The following RALB variants were observed in gnomAD, a reference collection of about 807,000 sequenced individuals.
RALB encodes the protein ras-related protein Ral-B.
In RALB, 16 loss-of-function variants were observed where a neutral mutation model predicts 21.3. That is an observed-to-expected ratio of 0.75 (90% CI 0.51 to 1.14). The LOEUF is 1.14. Ranked by LOEUF, RALB falls within the 50% of genes most tolerant of loss-of-function variation. The pLI is 0.00. For missense variants in RALB, 161 were observed against 256.2 expected, an observed-to-expected ratio of 0.63 and a Z score of 2.54; for synonymous variants, 93 against 96.1, an observed-to-expected ratio of 0.97 and a Z score of 0.19.
At chr2:120,279,703 C>T in intron 2 of RALB, among the ~76,000 whole-genome samples, 1 of 152,072 alleles carries the variant, frequency 6.6e-6, no homozygotes, top group South Asian at 2.1e-4. Flanking sequence ...GTAGTACAGG[C>T]AGGGAGAGTG....
At chr2:120,286,136 A>C in intron 3 of RALB, 54 bp downstream of exon 3, 135 of 1,503,132 alleles carry the variant, frequency 9.0e-5, no homozygotes, top group Non-Finnish European at 1.2e-4. Flanking sequence ...GCCTTTTCTC[A>C]TATGTCTTAG....
At chr2:120,259,198 G>A (rs6735866) in intron 1 of RALB, among the ~76,000 whole-genome samples, 6,852 of 152,140 alleles carry the variant, frequency 0.045, 545 homozygotes, top group African/African-American at 0.16. Context: ...CTTCCACAGC[G>A]TAGAAAGGGA....
chr2:120,250,174 T>C (rs577633915), upstream of RALB, among the ~76,000 whole-genome samples: 3 of 152,360 alleles, frequency 2.0e-5, no homozygotes, highest in African/African-American at 7.2e-5. Context: ...TTGTTCACCT[T>C]GCATCCGTCA....
chr2:120,260,693 C>A (rs1406767100), intron 1 of RALB, among the ~76,000 whole-genome samples: 1 of 152,222 alleles, frequency 6.6e-6, no homozygotes, highest in Non-Finnish European at 1.5e-5. Flanking sequence ...GGAGGGATGG[C>A]CTCAGGAGGG....
At chr2:120,275,448 C>T (rs566157390) in intron 1 of RALB, among the ~76,000 whole-genome samples, 4 of 152,328 alleles carry the variant, frequency 2.6e-5, no homozygotes, top group Non-Finnish European at 5.9e-5. Flanking sequence ...CTTGGCTGCT[C>T]ATGAGGATCA....
At chr2:120,282,061 C>A (rs1457677264) in intron 2 of RALB, among the ~76,000 whole-genome samples, 1 of 152,152 alleles carries the variant, frequency 6.6e-6, no homozygotes, top group Non-Finnish European at 1.5e-5. Context: ...ACAAAATATC[C>A]ACAATGCCAC....
chr2:120,242,866 A>T (rs1460808296), intron 1 of RALB, among the ~76,000 whole-genome samples: 1 of 152,222 alleles, frequency 6.6e-6, no homozygotes, highest in Non-Finnish European at 1.5e-5. Flanking sequence ...ACTTGAGGCC[A>T]TGAGTTCGAG....
At chr2:120,273,520 C>T (rs969875422) in intron 1 of RALB, among the ~76,000 whole-genome samples, 4 of 152,160 alleles carry the variant, frequency 2.6e-5, no homozygotes, top group Non-Finnish European at 1.5e-5. Context: ...AACTCAGGCC[C>T]CTCCCATAAT....
At chr2:120,246,505 C>G (rs375225984) in intron 1 of RALB, among the ~76,000 whole-genome samples, 1 of 152,240 alleles carries the variant, frequency 6.6e-6, no homozygotes, top group Admixed American at 6.5e-5. Context: ...CTAACAGTGC[C>G]AAGCCCACCA....
intron 1 of RALB, among the ~76,000 whole-genome samples, chr2:120,255,766 T>C (rs1474380273): frequency 6.6e-6 from 1 of 152,250 alleles, no homozygotes; most frequent in Non-Finnish European, 1.5e-5. Context: ...CTTAGTGTTC[T>C]CCTGGCTGTT....
intron 2 of RALB, among the ~76,000 whole-genome samples, chr2:120,284,491 C>T (rs1184861333): frequency 6.6e-6 from 1 of 152,062 alleles, no homozygotes; most frequent in Non-Finnish European, 1.5e-5. Context: ...CGCCACTTCC[C>T]AGGTTCAAGT....
At chr2:120,279,896 C>T (rs761269471) in intron 2 of RALB, among the ~76,000 whole-genome samples, 18 of 152,158 alleles carry the variant, frequency 1.2e-4, no homozygotes, top group Non-Finnish European at 2.5e-4. Flanking sequence ...TGGGCATTTT[C>T]GGCCTCTAGC....
intron 1 of RALB, among the ~76,000 whole-genome samples, chr2:120,247,073 G>C (rs1451695908): frequency 2.0e-5 from 3 of 152,190 alleles, no homozygotes; most frequent in Non-Finnish European, 4.4e-5. Flanking sequence ...GCTTTTATCT[G>C]GTTACCTGGA....
chr2:120,286,009 C>T lies in RALB; in HGVS notation c.250C>T (p.Arg84Trp). The stretch of plus-strand genomic sequence containing the variant: ...CGCAGCCATTCGAGATAACTACTTT[C>T]GGAGTGGGGAAGGGTTTCTTCTTGT... ...DYAAIRDNYF[R>W]SGEGFLLVFS... is the part of the protein sequence containing the mutation. Residue 84 changes from arginine (R) to tryptophan (W), a missense_variant, in exon 3 of 5, where the codon CGG (arginine) becomes TGG (tryptophan). Coordinates refer to ENST00000272519, the MANE Select transcript of RALB (RefSeq NM_002881.3). The T allele has an allele frequency of 5.0e-6, 8 of 1,614,070 alleles. No individual in the cohort carries two copies. The highest frequency in any genetic ancestry group is 1.1e-5 in the South Asian group (1 of 91,082).
At position 120,260,092 on chromosome 2, in the gene RALB, G is replaced by A. The variant is rs1043079954; in HGVS notation, c.-48+7112G>A. 6.6e-5 allele frequency among the ~76,000 whole-genome samples: 10 copies of A among 152,348 alleles called. No individual in the cohort carries two copies. The South Asian group carries it at 1.2e-3, about 19-fold the overall frequency. ...GCCCACCCGGAACTCCAGCTGGCCC[G>A]CAAGTGCCGCACACAGCCCCGGTTC... On this transcript the variant is annotated intron_variant, in intron 1 of 4. Coordinates refer to ENST00000272519, the MANE Select transcript of RALB (RefSeq NM_002881.3).
rs1288092342 is a variant in RALB at position 120,278,647 on chromosome 2, C to A, written c.-18C>A. The A allele has an allele frequency of 1.9e-6, 3 of 1,582,216 alleles. No individual in the cohort carries two copies. The highest frequency in any genetic ancestry group is 1.7e-6 in the Non-Finnish European group (2 of 1,163,874). ...TCAGTGGGTCATCTGTGTGTCACAG[C>A]CTCAGAAGACCAGCGAGATGGCTGC... On this transcript the variant is annotated 5_prime_UTR_variant, in exon 2 of 5. Coordinates refer to ENST00000272519, the MANE Select transcript of RALB (RefSeq NM_002881.3).
intron 1 of RALB, among the ~76,000 whole-genome samples, chr2:120,255,364 A>G (rs1187017389): frequency 6.6e-6 from 1 of 152,078 alleles, no homozygotes. Context: ...CACATGGCGG[A>G]GTAGTTAAGG....
Position 120,293,507 on chromosome 2 carries a change from A to C in RALB, c.*247A>C. ...TTCTTCTCCCCTTCTTCCCTCCCAA[A>C]AGCTTAGCTATGTATAAAGTGCCAC... On this transcript the variant is annotated 3_prime_UTR_variant, in exon 5 of 5. Coordinates refer to ENST00000272519, the MANE Select transcript of RALB (RefSeq NM_002881.3). 1 of 270,758 alleles carries C rather than the reference A, an allele frequency of 3.7e-6. No individual in the cohort carries two copies. The highest frequency in any genetic ancestry group is 6.9e-6 in the Non-Finnish European group (1 of 145,048). 16.8% of individuals were successfully genotyped at this position (270,758 alleles called of 1,614,324 possible). A position where few individuals can be genotyped will look rare whatever the true frequency, so the allele number is the denominator to read the frequency against.
Position 120,252,854 on chromosome 2 carries a change from A to G in RALB, c.-174A>G, listed in dbSNP as rs1689087007. The G allele has an allele frequency of 1.0e-6, 1 of 985,460 alleles. No individual in the cohort carries two copies. The highest frequency in any genetic ancestry group is 1.2e-6 in the Non-Finnish European group (1 of 830,090). The allele number at this position is 985,460 out of a possible 1,614,324, so 61.0% of individuals were successfully genotyped here. On this transcript the variant is annotated 5_prime_UTR_variant, in exon 1 of 5. Coordinates refer to ENST00000272519, the MANE Select transcript of RALB (RefSeq NM_002881.3). ...CCGGAGGCGCGCTCGGGGGGTGGGA[A>G]AGCGAGCCCGGCAGCTCAATGACAA... is the stretch of plus-strand genomic sequence containing the variant.
Sources: gnomAD v4.1 joint callset for allele counts (sites outside exome capture counted in the v4.1 genomes callset) on GRCh38, gnomAD v4.1.1 for gene constraint, MANE v1.5 for transcripts, NCBI Gene and HGNC (gene_info 2026-07-23, HGNC 2026-07-21) for gene names.